PI4KA: variants seen among roughly 807,000 people sequenced by gnomAD.
PI4KA encodes the protein PI4-kinase alpha.
A neutral mutation model predicts 271.4 loss-of-function variants in PI4KA; 122 were observed. That is an observed-to-expected ratio of 0.45 (90% CI 0.39 to 0.52). The LOEUF is 0.52. PI4KA is among the 20% of genes least tolerant of loss of function. PI4KA has a pLI of 0.00. For synonymous variants in PI4KA, 1,041 were observed against 1,078.8 expected, an observed-to-expected ratio of 0.96 and a Z score of 0.69; for missense variants, 1,969 against 2,769.1, an observed-to-expected ratio of 0.71 and a Z score of 6.48.
Position 20,854,040 on chromosome 22 carries a change from A to C in PI4KA, c.156+4530T>G, listed in dbSNP as rs142724780. On this transcript the variant is annotated intron_variant, in intron 1 of 54. Coordinates refer to ENST00000255882, the MANE Select transcript of PI4KA (RefSeq NM_058004.4). ...TGACTTGCTGCTGTTCACCTGAGCA[A>C]TCAAATTAACACTGCTTCTGATTTA... Among the ~76,000 whole-genome samples the C allele has an allele frequency of 9.7e-4, 147 of 152,090 alleles. 2 individuals are homozygous for C. In the East Asian group the frequency reaches 0.024, roughly 24 times the overall value.
At chr22:20,783,979 G>A in intron 19 of PI4KA, 2 of 1,614,098 alleles carry the variant, frequency 1.2e-6, no homozygotes, top group Non-Finnish European at 1.7e-6. Context: ...CAGGATCCTG[G>A]GTGAATAAAT....
At chr22:20,760,790 G>A (rs1931882315) in intron 23 of PI4KA, among the ~76,000 whole-genome samples, 2 of 152,126 alleles carry the variant, frequency 1.3e-5, no homozygotes, top group African/African-American at 4.8e-5. Flanking sequence ...TCCTGGGCTA[G>A]GGCTGGTAAC....
chr22:20,816,103 C>T (rs1921776580), intron 7 of PI4KA, among the ~76,000 whole-genome samples: 1 of 152,018 alleles, frequency 6.6e-6, no homozygotes, highest in East Asian at 1.9e-4. Flanking sequence ...CTGCACCCGG[C>T]TAATTTTTGT....
chr22:20,740,944 T>C (rs1163227416), intron 32 of PI4KA, among the ~76,000 whole-genome samples: 1 of 152,218 alleles, frequency 6.6e-6, no homozygotes, highest in African/African-American at 2.4e-5. Context: ...ACTGGAACTG[T>C]TAAAGAAAAT....
intron 32 of PI4KA, among the ~76,000 whole-genome samples, chr22:20,735,630 T>C (rs1464066715): frequency 6.6e-6 from 1 of 152,124 alleles, no homozygotes; most frequent in African/African-American, 2.4e-5. Flanking sequence ...TTGCACTCTG[T>C]CCTTGTCTTC....
chr22:20,778,050 T>C lies in PI4KA; in HGVS notation c.2329-12357A>G, dbSNP rs559981214. On this transcript the variant is annotated intron_variant, in intron 19 of 54. Transcript: ENST00000255882. ...AGAAGCAGTAACACAGAAGATTTAG[T>C]TGCTCCTGACAGCAGTGGGAGCTAT... Among the ~76,000 whole-genome samples the C allele has an allele frequency of 9.9e-5, 15 of 152,272 alleles. No homozygotes were observed. In the East Asian group the frequency reaches 2.9e-3, roughly 29 times the overall value.
At chr22:20,832,476 C>T (rs187151633) in intron 3 of PI4KA, among the ~76,000 whole-genome samples, 72 of 147,386 alleles carry the variant, frequency 4.9e-4, no homozygotes, top group African/African-American at 1.0e-3. Flanking sequence ...CTTTTTGAGA[C>T]GGAGTCTCAC....
chr22:20,739,202 C>T (rs1568973696), intron 32 of PI4KA, among the ~76,000 whole-genome samples: 1 of 151,220 alleles, frequency 6.6e-6, no homozygotes, highest in African/African-American at 2.4e-5. Flanking sequence ...AAAAATTAGC[C>T]GGGCGTGGTG....
intron 43 of PI4KA, 81 bp downstream of exon 43, chr22:20,721,217 G>T: frequency 1.3e-6 from 2 of 1,489,462 alleles, no homozygotes; most frequent in Non-Finnish European, 1.9e-6. Context: ...GCAGGCTGGC[G>T]AGAGCCCTGG....
chr22:20,850,015 T>A (rs376748390), intron 1 of PI4KA, among the ~76,000 whole-genome samples: 1 of 152,312 alleles, frequency 6.6e-6, no homozygotes, highest in East Asian at 1.9e-4. Flanking sequence ...AGGTTTCTTT[T>A]GAGGGCAATG....
intron 4 of PI4KA, among the ~76,000 whole-genome samples, chr22:20,820,870 G>A (rs1029859831): frequency 2.0e-5 from 3 of 152,188 alleles, no homozygotes; most frequent in African/African-American, 7.2e-5. Context: ...ACCAGCCCTT[G>A]GGGCTGCTTT....
At chr22:20,740,775 T>C (rs976013277) in intron 32 of PI4KA, among the ~76,000 whole-genome samples, 1 of 152,128 alleles carries the variant, frequency 6.6e-6, no homozygotes, top group Non-Finnish European at 1.5e-5. Context: ...CCAGAAACAA[T>C]GCAAGCTACT....
chr22:20,770,412 C>T (rs1232659461), intron 19 of PI4KA, among the ~76,000 whole-genome samples: 1 of 149,358 alleles, frequency 6.7e-6, no homozygotes, highest in African/African-American at 2.5e-5. Context: ...ACTTGGGAGG[C>T]TGAGGCAGGA....
intron 19 of PI4KA, among the ~76,000 whole-genome samples, chr22:20,766,310 T>C (rs1932518033): frequency 1.3e-5 from 2 of 151,918 alleles, no homozygotes; most frequent in East Asian, 3.9e-4. Context: ...GGGGCTATTG[T>C]CCTTGTGTTC....
At chr22:20,850,680 G>A (rs1407821943) in intron 1 of PI4KA, among the ~76,000 whole-genome samples, 9 of 151,788 alleles carry the variant, frequency 5.9e-5, no homozygotes, top group Non-Finnish European at 7.4e-5. Context: ...CTCGTGATCC[G>A]CCCGCCTCGG....
At chr22:20,839,261 G>C (rs1363863295) in intron 1 of PI4KA, among the ~76,000 whole-genome samples, 1 of 152,056 alleles carries the variant, frequency 6.6e-6, no homozygotes, top group Non-Finnish European at 1.5e-5. Context: ...ACCCCAAAGA[G>C]TCCATGTAAC....
chr22:20,741,804 G>C (rs1568976778), intron 32 of PI4KA, among the ~76,000 whole-genome samples: 1 of 152,186 alleles, frequency 6.6e-6, no homozygotes, highest in African/African-American at 2.4e-5. Flanking sequence ...TGAAACGTGA[G>C]TATAAACTTC....
rs542248678 is a variant in PI4KA at position 20,772,469 on chromosome 22, C to T, written c.2329-6776G>A. On this transcript the variant is annotated intron_variant, in intron 19 of 54. Coordinates refer to ENST00000255882, the MANE Select transcript of PI4KA (RefSeq NM_058004.4). ...GCTGAAGACTCAGTATTGTATGTGA[C>T]AGATGAAGGCTCTAAGAAGACAGCT... is the stretch of plus-strand genomic sequence containing the variant. Among the ~76,000 whole-genome samples the T allele has an allele frequency of 9.8e-5, 15 of 152,358 alleles. No individual in the cohort carries two copies. The East Asian group carries it at 2.7e-3, about 27-fold the overall frequency.
Position 20,765,613 on chromosome 22 carries a change from A to G in PI4KA, c.2409T>C (p.Val803=), listed in dbSNP as rs773523205. The G allele has an allele frequency of 6.2e-7, 1 of 1,610,538 alleles. No homozygotes were observed. Among genetic ancestry groups the G allele is most frequent in the East Asian group, 2.2e-5 (1 of 44,732 alleles). The change falls in exon 20 of 55, where the codon GTT becomes GTC. Residue 803 remains valine (V), a synonymous_variant. Transcript: ENST00000255882. Reference sequence around the variant, plus strand: ...AGCCCTCCACAGCGAATCCCATCAGAACGGAATACAGCCAGAAGTCTCGGA... The same window carrying G: ...AGCCCTCCACAGCGAATCCCATCAGGACGGAATACAGCCAGAAGTCTCGGA... The part of the protein sequence containing the change: ...KLFRDFWLYS[V]LMGFAVEGSG...
Sources: allele counts gnomAD v4.1 joint callset (sites outside exome capture counted in the v4.1 genomes callset), GRCh38; gene constraint gnomAD v4.1.1; transcripts MANE v1.5; gene names NCBI Gene and HGNC (gene_info 2026-07-23, HGNC 2026-07-21).